Variants in ADAM10 observed in about 807,000 individuals in gnomAD.
The protein encoded by ADAM10 is ADAM metallopeptidase domain 10.
A neutral mutation model predicts 90.1 loss-of-function variants in ADAM10; 17 were observed. The ratio of observed to expected loss-of-function variants is 0.19; its 90% confidence interval spans 0.13 to 0.28. The LOEUF (loss-of-function observed/expected upper bound fraction) is 0.28. Among genes scored for constraint, ADAM10 ranks in the 10% least tolerant of loss-of-function variants. The pLI is 1.00. For missense variants in ADAM10, 610 were observed against 914.3 expected, an observed-to-expected ratio of 0.67 and a Z score of 4.29; for synonymous variants, 310 against 298.6, an observed-to-expected ratio of 1.04 and a Z score of -0.40.
intron 5 of ADAM10, among the ~76,000 whole-genome samples, chr15:58,662,938 T>C (rs1340055508): frequency 2.6e-5 from 4 of 152,198 alleles, no homozygotes; most frequent in African/African-American, 9.7e-5. Flanking sequence ...TCTCCTTCTG[T>C]GTGTCATATC....
intron 2 of ADAM10, chr15:58,698,551 G>A (rs1898044094): frequency 6.6e-6 from 1 of 151,466 alleles, no homozygotes; most frequent in Non-Finnish European, 1.4e-5. Flanking sequence ...ACTCTAGCCT[G>A]GGCAACAGAG....
intron 1 of ADAM10, among the ~76,000 whole-genome samples, chr15:58,720,396 T>C (rs1195210794): frequency 1.8e-4 from 4 of 22,330 alleles, no homozygotes; most frequent in African/African-American, 3.7e-4. Context: ...TTTATTTTAT[T>C]TTATTTTATT....
Position 58,611,949 on chromosome 15 carries a change from C to T in ADAM10, c.1554G>A (p.Lys518=). 6.2e-7 allele frequency: 1 copy of T among 1,614,148 alleles called. No individual in the cohort carries two copies. Among genetic ancestry groups the T allele is most frequent in the East Asian group, 2.2e-5 (1 of 44,878 alleles). ...GPCCTAQCAF[K]SKSEKCRDDS... ...CATCCCGACACTTCTCAGACTTTGA[C>T]TTGAATGCACACTGTGCTGTACAAC... Residue 518 remains lysine, a synonymous_variant, in exon 12 of 16, where the codon AAG becomes AAA. Transcript: ENST00000260408.
At chr15:58,659,760 A>T (rs1896923911) in intron 5 of ADAM10, among the ~76,000 whole-genome samples, 2 of 151,944 alleles carry the variant, frequency 1.3e-5, no homozygotes, top group Admixed American at 6.6e-5. Flanking sequence ...ACAGAGTCTC[A>T]CTCTGTCGCC....
Position 58,646,142 on chromosome 15 carries a change from T to G in ADAM10, c.648A>C (p.Ser216=), listed in dbSNP as rs775082740. 1 of 1,613,756 alleles carries G rather than the reference T, an allele frequency of 6.2e-7. No individual in the cohort carries two copies. The highest frequency in any genetic ancestry group is 1.1e-5 in the South Asian group (1 of 91,078). The change falls in exon 6 of 16, where the codon TCA becomes TCC. Residue 216 remains serine, a synonymous_variant. Coordinates refer to ENST00000260408, the MANE Select transcript of ADAM10 (RefSeq NM_001110.4). ...AAAGCTGACAAGTATTTTTTTCAGC[T>G]GAAGTTGTACGTTTTTTCCTCAGAA... ...PELLRKKRTT[S]AEKNTCQLYI...
chr15:58,635,446 G>A (rs1338278742), intron 8 of ADAM10, among the ~76,000 whole-genome samples: 1 of 152,034 alleles, frequency 6.6e-6, no homozygotes, highest in Admixed American at 6.6e-5. Context: ...AACCCAGCAA[G>A]GGGTTGAGAA....
chr15:58,600,772 T>TA (rs1895086601), intron 14 of ADAM10, among the ~76,000 whole-genome samples: 3 of 152,346 alleles, frequency 2.0e-5, no homozygotes, highest in African/African-American at 7.2e-5. Flanking sequence ...CATGTACTAA[T>TA]AAACATCATA....
At chr15:58,690,971 A>T (rs1438343743) in intron 2 of ADAM10, 7 of 464,448 alleles carry the variant, frequency 1.5e-5, no homozygotes, top group Non-Finnish European at 2.5e-5. Flanking sequence ...TGTCTGCCTC[A>T]GCCTTCTGCT....
At chr15:58,707,887 G>A (rs963633953) in intron 2 of ADAM10, among the ~76,000 whole-genome samples, 2 of 152,044 alleles carry the variant, frequency 1.3e-5, no homozygotes, top group African/African-American at 4.8e-5. Context: ...GACCAGCCTG[G>A]CCAATATGGT....
chr15:58,687,266 C>T (rs1370472260), intron 2 of ADAM10, among the ~76,000 whole-genome samples: 1 of 152,100 alleles, frequency 6.6e-6, no homozygotes, highest in Non-Finnish European at 1.5e-5. Flanking sequence ...TTAGGCTGCC[C>T]CATCGTGTAT....
intron 12 of ADAM10, 189 bp downstream of exon 12, chr15:58,611,619 A>C (rs1352018414): frequency 1.7e-6 from 1 of 594,964 alleles, no homozygotes; most frequent in Non-Finnish European, 2.9e-6. Context: ...CCACATGTAC[A>C]TGGAAAGATG....
intron 11 of ADAM10, among the ~76,000 whole-genome samples, chr15:58,612,567 G>A (rs188175651): frequency 6.6e-6 from 1 of 152,228 alleles, no homozygotes; most frequent in Admixed American, 6.5e-5. Context: ...TGCTGTTGCT[G>A]CACCTGGTCT....
At chr15:58,610,869 TCTC>T (rs1204606745) in intron 13 of ADAM10, 127 bp downstream of exon 13, 14 of 742,962 alleles carry the variant, frequency 1.9e-5, no homozygotes, top group South Asian at 4.5e-5. Flanking sequence ...ACATTTATAA[TCTC>T]CTCAAGAGGA....
In ADAM10 at chr15:58,749,558, G is replaced by C. The variant is rs760808254; in HGVS notation, c.-24C>G. 6.5e-7 allele frequency: 1 copy of C among 1,548,840 alleles called. No homozygotes were observed. The highest frequency in any genetic ancestry group is 8.7e-7 in the Non-Finnish European group (1 of 1,145,602). ...ATCTTCCGCTGCCGCTGCCGCCGCC[G>C]CCGCCTCCTCACGGGTTAACAGCAG... On this transcript the variant is annotated 5_prime_UTR_variant, in exon 1 of 16. Transcript: ENST00000260408.
chr15:58,601,763 T>A (rs563982920), intron 14 of ADAM10, among the ~76,000 whole-genome samples: 50 of 152,298 alleles, frequency 3.3e-4, no homozygotes, highest in Admixed American at 9.1e-4. Context: ...TTTGGAAAAA[T>A]TCCAGTGTTT....
intron 14 of ADAM10, among the ~76,000 whole-genome samples, chr15:58,607,050 T>A (rs1242921166): frequency 6.6e-6 from 1 of 152,278 alleles, no homozygotes; most frequent in East Asian, 1.9e-4. Flanking sequence ...AATGTTTTGA[T>A]AATTTTTAAA....
At chr15:58,669,342 A>G (rs1470282737) in intron 4 of ADAM10, among the ~76,000 whole-genome samples, 1 of 152,206 alleles carries the variant, frequency 6.6e-6, no homozygotes, top group East Asian at 1.9e-4. Flanking sequence ...AAGGTCAGTC[A>G]TATGATCAAT....
intron 1 of ADAM10, among the ~76,000 whole-genome samples, chr15:58,733,783 T>G (rs1161938545): frequency 2.0e-5 from 3 of 151,940 alleles, no homozygotes; most frequent in African/African-American, 7.2e-5. Context: ...CATCTATTTA[T>G]AATTTTATCT....
At chr15:58,692,340 C>A (rs1326465484) in intron 2 of ADAM10, 1 of 606,026 alleles carries the variant, frequency 1.7e-6, no homozygotes, top group Non-Finnish European at 3.3e-6. Context: ...GGTTTCTGGT[C>A]CAAATCGGCT....
Sources: gnomAD v4.1 joint callset for allele counts (sites outside exome capture counted in the v4.1 genomes callset) on GRCh38, gnomAD v4.1.1 for gene constraint, MANE v1.5 for transcripts, NCBI Gene and HGNC (gene_info 2026-07-23, HGNC 2026-07-21) for gene names.